The following CAPZA1 variants were observed in gnomAD, a reference collection of about 807,000 sequenced individuals.
The protein encoded by CAPZA1 is capping actin protein of muscle Z-line subunit alpha 1.
A neutral mutation model predicts 40.8 loss-of-function variants in CAPZA1; 10 were observed. The observed-to-expected ratio is 0.25, with a 90% CI of 0.15 to 0.42. CAPZA1 has a LOEUF of 0.42. Ranked by LOEUF, CAPZA1 falls within the 10% of genes least tolerant of loss-of-function variation. The pLI is 1.00. For synonymous variants in CAPZA1, 98 were observed against 115.0 expected (o/e 0.85, Z 0.95); for missense variants, 277 against 353.8 (o/e 0.78, Z 1.74).
chr1:112,637,672 C>T (rs1223291505), intron 1 of CAPZA1, among the ~76,000 whole-genome samples: 3 of 152,122 alleles, frequency 2.0e-5, no homozygotes, highest in Non-Finnish European at 2.9e-5. Flanking sequence ...GGCTGGGTCT[C>T]GAATTCCTGA....
chr1:112,643,900 A>G (rs1259286519), intron 1 of CAPZA1, among the ~76,000 whole-genome samples: 1 of 150,150 alleles, frequency 6.7e-6, no homozygotes, highest in African/African-American at 2.5e-5. Context: ...GCTGGATTGC[A>G]GTGGCGGGAT....
intron 7 of CAPZA1, among the ~76,000 whole-genome samples, chr1:112,664,688 T>G (rs942892729): frequency 1.3e-5 from 2 of 152,046 alleles, no homozygotes; most frequent in African/African-American, 4.8e-5. Flanking sequence ...GTAATCCCAG[T>G]ACTTTTGGGA....
At chr1:112,642,725 A>T (rs879936139) in intron 1 of CAPZA1, among the ~76,000 whole-genome samples, 11 of 152,200 alleles carry the variant, frequency 7.2e-5, no homozygotes, top group Non-Finnish European at 8.8e-5. Flanking sequence ...TATATGCGGT[A>T]TCAGTTCATC....
chr1:112,659,500 T>C (rs1671559551), intron 6 of CAPZA1: 3 of 569,358 alleles, frequency 5.3e-6, no homozygotes, highest in Non-Finnish European at 9.3e-6. Context: ...AAAAGGCTTA[T>C]GGTCAGGCCA....
intron 1 of CAPZA1, among the ~76,000 whole-genome samples, chr1:112,628,726 A>G (rs1048727462): frequency 2.0e-5 from 3 of 152,226 alleles, no homozygotes; most frequent in African/African-American, 4.8e-5. Context: ...AATTTTGCAT[A>G]CTGCAGCTTC....
chr1:112,651,674 A>G (rs1370479577), intron 3 of CAPZA1, among the ~76,000 whole-genome samples: 1 of 147,526 alleles, frequency 6.8e-6, no homozygotes, highest in Non-Finnish European at 1.5e-5. Context: ...GACATATACT[A>G]GAATAAAATA....
At chr1:112,648,192 A>G (rs1468296597) in intron 2 of CAPZA1, among the ~76,000 whole-genome samples, 1 of 152,162 alleles carries the variant, frequency 6.6e-6, no homozygotes, top group Non-Finnish European at 1.5e-5. Context: ...AGTATAAGAT[A>G]TAATAGAAGT....
intron 1 of CAPZA1, among the ~76,000 whole-genome samples, chr1:112,624,465 A>G (rs1336185733): frequency 1.3e-5 from 2 of 151,788 alleles, no homozygotes; most frequent in African/African-American, 4.8e-5. Context: ...AAAATTAGCC[A>G]GGTGTGGTGG....
intron 7 of CAPZA1, 132 bp from the exon 8 acceptor site, chr1:112,666,942 T>C (rs1671734690): frequency 1.7e-6 from 1 of 603,070 alleles, no homozygotes; most frequent in Non-Finnish European, 3.0e-6. Flanking sequence ...CCACTGCTTA[T>C]ATTAATTATT....
At chr1:112,669,109 G>A (rs995579627) in intron 8 of CAPZA1, among the ~76,000 whole-genome samples, 1 of 152,178 alleles carries the variant, frequency 6.6e-6, no homozygotes, top group African/African-American at 2.4e-5. Context: ...AAAGGCATAT[G>A]TGAGCTTATG....
chr1:112,661,445 T>A (rs542423152), intron 7 of CAPZA1, among the ~76,000 whole-genome samples: 2 of 152,336 alleles, frequency 1.3e-5, no homozygotes, highest in African/African-American at 4.8e-5. Context: ...CCCTTCTGTG[T>A]CCCACTTCTT....
intron 1 of CAPZA1, among the ~76,000 whole-genome samples, chr1:112,626,466 G>T (rs999851201): frequency 1.3e-5 from 2 of 151,764 alleles, no homozygotes; most frequent in Non-Finnish European, 2.9e-5. Context: ...GGTGGGACAG[G>T]GCACAAGTAA....
intron 1 of CAPZA1, among the ~76,000 whole-genome samples, chr1:112,643,833 A>G (rs143537923): frequency 3.0e-4 from 45 of 152,246 alleles, no homozygotes; most frequent in East Asian, 9.6e-4. Context: ...CTAAAGTTGT[A>G]AAGTATTTCT....
chr1:112,662,804 T>C (rs1252164599), intron 7 of CAPZA1, among the ~76,000 whole-genome samples: 1 of 152,208 alleles, frequency 6.6e-6, no homozygotes, highest in African/African-American at 2.4e-5. Flanking sequence ...ACTAATTGTA[T>C]AGTCTTTATT....
intron 1 of CAPZA1, among the ~76,000 whole-genome samples, chr1:112,628,964 A>G (rs1476186177): frequency 6.6e-6 from 1 of 152,192 alleles, no homozygotes; most frequent in Non-Finnish European, 1.5e-5. Context: ...GATTATTAAA[A>G]TACTATTTTT....
At chr1:112,635,168 T>C (rs1670990804) in intron 1 of CAPZA1, among the ~76,000 whole-genome samples, 2 of 152,122 alleles carry the variant, frequency 1.3e-5, no homozygotes, top group African/African-American at 4.8e-5. Context: ...AAATACACTT[T>C]GAACACTTTT....
intron 5 of CAPZA1, 29 bp downstream of exon 5, chr1:112,654,700 A>G (rs1570719800): frequency 1.4e-6 from 2 of 1,477,348 alleles, no homozygotes; most frequent in East Asian, 2.3e-5. Context: ...TCGTTATCAG[A>G]GAGTGTTTTC....
At chr1:112,644,104 C>G (rs765046621) in intron 1 of CAPZA1, among the ~76,000 whole-genome samples, 1 of 150,816 alleles carries the variant, frequency 6.6e-6, no homozygotes, top group East Asian at 1.9e-4. Flanking sequence ...CTCAGCCTCC[C>G]AAAGTGCTGG....
At chr1:112,627,357 C>A (rs912953188) in intron 1 of CAPZA1, among the ~76,000 whole-genome samples, 2 of 152,024 alleles carry the variant, frequency 1.3e-5, no homozygotes, top group African/African-American at 4.8e-5. Context: ...ATAATTGTTG[C>A]TGAATGGCCA....
Sources: allele counts gnomAD v4.1 joint callset (sites outside exome capture counted in the v4.1 genomes callset), GRCh38; gene constraint gnomAD v4.1.1; transcripts MANE v1.5; gene names NCBI Gene and HGNC (gene_info 2026-07-23, HGNC 2026-07-21).